ERCC3: variants seen among roughly 807,000 people sequenced by gnomAD.
The protein encoded by ERCC3 is ERCC excision repair 3, TFIIH core complex helicase subunit.
ERCC3 carries 66 observed loss-of-function variants against 94.2 expected under a neutral mutation model. That is an observed-to-expected ratio of 0.70 (90% CI 0.57 to 0.86). The LOEUF is 0.86. Ranked by LOEUF, ERCC3 falls within the 40% of genes least tolerant of loss-of-function variation. The pLI, the probability that ERCC3 is intolerant of heterozygous loss-of-function variation, is 0.00. For synonymous variants in ERCC3, 349 were observed against 369.1 expected (o/e 0.95, Z 0.63); for missense variants, 829 against 987.1 (o/e 0.84, Z 2.15).
chr2:127,288,984 A>G, intron 6 of ERCC3, 120 bp from the exon 7 acceptor site: 1 of 882,504 alleles, frequency 1.1e-6, no homozygotes, highest in Non-Finnish European at 1.9e-6. Flanking sequence ...ACAAGATTTT[A>G]GATCTTGCTC....
chr2:127,269,125 T>C (rs1684469349), intron 12 of ERCC3, among the ~76,000 whole-genome samples: 1 of 152,222 alleles, frequency 6.6e-6, no homozygotes, highest in African/African-American at 2.4e-5. Flanking sequence ...GAATTTTCCA[T>C]TTAATATTTT....
At position 127,279,095 on chromosome 2, in the gene ERCC3, A is replaced by G. The variant is rs147506117; in HGVS notation, c.1730+78T>C. On this transcript the variant is annotated intron_variant, in intron 10 of 14. Coordinates refer to ENST00000285398, the MANE Select transcript of ERCC3 (RefSeq NM_000122.2). The surrounding 1 kb of genome is among the most constrained non-coding windows in gnomAD (Gnocchi z 4.7). Reference sequence around the variant, plus strand: ...GTTCCTGAGAGAAAAACAAAAAAACAAAACAACAGCCACCTTCTGCACTCT... The same window carrying G: ...GTTCCTGAGAGAAAAACAAAAAAACGAAACAACAGCCACCTTCTGCACTCT... The G allele has an allele frequency of 5.7e-4, 568 of 1,003,044 alleles. 2 individuals are homozygous for G. In the African/African-American group the frequency reaches 7.6e-3, roughly 13 times the overall value. 62.1% of individuals were successfully genotyped at this position (1,003,044 alleles called of 1,614,324 possible).
At position 127,289,993 on chromosome 2, in the gene ERCC3, G is replaced by T. The variant is rs1025751484; in HGVS notation, c.522-169C>A. 34 of 887,268 alleles carry T rather than the reference G, an allele frequency of 3.8e-5. No homozygotes were observed. In the African/African-American group the frequency reaches 5.3e-4, roughly 14 times the overall value. 55.0% of individuals were successfully genotyped at this position (887,268 alleles called of 1,614,324 possible). ...GGCCATGATTTAACATATGAGGGTT[G>T]TGACTTTGAGGTCAAGTAGGCAGGG... is the stretch of plus-strand genomic sequence containing the variant. On this transcript the variant is annotated intron_variant, in intron 4 of 14. Transcript: ENST00000285398.
chr2:127,259,173 T>G lies in ERCC3; in HGVS notation c.2217+123A>C, dbSNP rs551298119. ...TGTTTCTGTTCATCTCTTCCGTGTT[T>G]TCCAACATTTCCAAAAAAATCCCAT... On this transcript the variant is annotated intron_variant, in intron 14 of 14. Transcript: ENST00000285398. The surrounding 1 kb of genome is among the most constrained non-coding windows in gnomAD (Gnocchi z 4.9). 1 of 1,128,466 alleles carries G rather than the reference T, an allele frequency of 8.9e-7. No homozygotes were observed. 69.9% of individuals were successfully genotyped at this position (1,128,466 alleles called of 1,614,324 possible). A position where few individuals can be genotyped will look rare whatever the true frequency, so the allele number is the denominator to read the frequency against.
chr2:127,293,960 G>T, intron 1 of ERCC3, 94 bp downstream of exon 1: 3 of 1,551,354 alleles, frequency 1.9e-6, no homozygotes, highest in Non-Finnish European at 2.6e-6. Context: ...CAGCAGGGTC[G>T]GCCGGCGCAG....
At chr2:127,266,354 T>G (rs79045472) in intron 12 of ERCC3, among the ~76,000 whole-genome samples, 16 of 126,332 alleles carry the variant, frequency 1.3e-4, no homozygotes, top group African/African-American at 4.6e-4. Flanking sequence ...TTTTTTTTTT[T>G]TGAGAGAGTC....
chr2:127,263,883 A>G (rs1573930852), intron 12 of ERCC3, among the ~76,000 whole-genome samples: 2 of 151,614 alleles, frequency 1.3e-5, no homozygotes, highest in African/African-American at 4.8e-5. Context: ...AATTTTTTGT[A>G]CTTTTAGTAG....
At chr2:127,290,184 T>C in intron 4 of ERCC3, 40 bp downstream of exon 4, 1 of 1,553,598 alleles carries the variant, frequency 6.4e-7, no homozygotes, top group Non-Finnish European at 8.9e-7. Context: ...GCGCAGAAAG[T>C]GACAGTGCCT....
intron 2 of ERCC3, among the ~76,000 whole-genome samples, 153 bp from the exon 3 acceptor site, chr2:127,292,999 AT>A (rs1685330094): frequency 6.6e-6 from 1 of 152,238 alleles, no homozygotes; most frequent in African/African-American, 2.4e-5. Flanking sequence ...GGCCTGTTAC[AT>A]TAATCAGATA....
Position 127,280,186 on chromosome 2 carries a change from A to T in ERCC3, c.1527+261T>A, listed in dbSNP as rs1684864366. On this transcript the variant is annotated intron_variant, in intron 9 of 14. Coordinates refer to ENST00000285398, the MANE Select transcript of ERCC3 (RefSeq NM_000122.2). The surrounding 1 kb of genome is among the most constrained non-coding windows in gnomAD (Gnocchi z 6.3). ...CTGAATGCTAATCCTCACCCACAGA[A>T]ATCCATGACTGGTAAACCCCATGGC... Among the ~76,000 whole-genome samples, 1 of 152,186 alleles carries T rather than the reference A, an allele frequency of 6.6e-6. No individual in the cohort carries two copies. Among genetic ancestry groups the T allele is most frequent in the South Asian group, 2.1e-4 (1 of 4,826 alleles).
chr2:127,269,911 C>T (rs1417966518), intron 12 of ERCC3, among the ~76,000 whole-genome samples: 2 of 151,872 alleles, frequency 1.3e-5, no homozygotes, highest in African/African-American at 2.4e-5. Context: ...TCCGGGTACT[C>T]GGGAGGCTGA....
Position 127,291,391 on chromosome 2 carries a change from C to G in ERCC3, c.472-1118G>C, listed in dbSNP as rs1685266280. Among the ~76,000 whole-genome samples the G allele has an allele frequency of 6.6e-6, 1 of 152,268 alleles. No homozygotes were observed. Among genetic ancestry groups the G allele is most frequent in the African/African-American group, 2.4e-5 (1 of 41,566 alleles). On this transcript the variant is annotated intron_variant, in intron 3 of 14. Transcript: ENST00000285398. The surrounding 1 kb of genome is among the most constrained non-coding windows in gnomAD (Gnocchi z 4.9). ...TGTCCTGCCTCAGCCTCCTGAGTAG[C>G]TGGGATTACAGGCACCCACCACCAT...
Position 127,286,926 on chromosome 2 carries a change from C to T in ERCC3, c.1119G>A (p.Gln373=), listed in dbSNP as rs2228544. ...VLGNSAVSVE[Q]WKAQFKMWST... ...ACCACATCTTGAACTGGGCTTTCCACTGCTCCACAGAAACAGCTGAGTTGC... is the reference window on the plus strand; with the variant it reads ...ACCACATCTTGAACTGGGCTTTCCATTGCTCCACAGAAACAGCTGAGTTGC... Residue 373 remains glutamine, a synonymous_variant, in exon 8 of 15, where the codon CAG becomes CAA. Transcript: ENST00000285398. 4,510 of 1,614,204 alleles carry T rather than the reference C, an allele frequency of 2.8e-3. 106 individuals carry two copies. The African/African-American group carries it at 0.051, about 18-fold the overall frequency.
intron 12 of ERCC3, among the ~76,000 whole-genome samples, chr2:127,263,769 G>A (rs1323374783): frequency 6.7e-5 from 10 of 150,172 alleles, no homozygotes; most frequent in African/African-American, 2.0e-4. Flanking sequence ...GTGCAGTGGC[G>A]TGATCTCGGC....
Position 127,284,152 on chromosome 2 carries a change from T to G in ERCC3, c.1342+2551A>C, listed in dbSNP as rs1011849683. 1 of 152,304 alleles carries G rather than the reference T, an allele frequency of 6.6e-6. No individual in the cohort carries two copies. The highest frequency in any genetic ancestry group is 1.9e-4 in the East Asian group (1 of 5,202). 9.4% of individuals were successfully genotyped at this position (152,304 alleles called of 1,614,324 possible). A position where few individuals can be genotyped will look rare whatever the true frequency, so the allele number is the denominator to read the frequency against. On this transcript the variant is annotated intron_variant, in intron 8 of 14. Coordinates refer to ENST00000285398, the MANE Select transcript of ERCC3 (RefSeq NM_000122.2). The surrounding 1 kb of genome is among the most constrained non-coding windows in gnomAD (Gnocchi z 4.1). ...AGTCGGATCACGCCTTCATCCTTACTGGGATTCCACAAACTCACCTCACCG... is the reference window on the plus strand; with the variant it reads ...AGTCGGATCACGCCTTCATCCTTACGGGGATTCCACAAACTCACCTCACCG...
rs980703754 is a variant in ERCC3, at chr2:127,257,846, A to G, written c.2218-119T>C. 2.1e-5 allele frequency: 25 copies of G among 1,174,104 alleles called. No individual in the cohort carries two copies. The African/African-American group carries it at 3.7e-4, about 17-fold the overall frequency. 72.7% of individuals were successfully genotyped at this position (1,174,104 alleles called of 1,614,324 possible). On this transcript the variant is annotated intron_variant, in intron 14 of 14. Transcript: ENST00000285398. The surrounding 1 kb of genome is among the most constrained non-coding windows in gnomAD (Gnocchi z 5.4). ...ACATAAATTTAATACATCATTTTTA[A>G]TAATGTTTACAGATCGCTTACTGTC...
chr2:127,287,911 T>A lies in ERCC3; in HGVS notation c.1027+749A>T, dbSNP rs901060608. Among the ~76,000 whole-genome samples, 3 of 152,106 alleles carry A rather than the reference T, an allele frequency of 2.0e-5. 1 individual carries two copies. Among genetic ancestry groups the A allele is most frequent in the South Asian group, 4.2e-4 (2 of 4,812 alleles). On this transcript the variant is annotated intron_variant, in intron 7 of 14. Transcript: ENST00000285398. ...ATCAAGCTTTTCCATTAAACAGAGA[T>A]CCTTCCTTTATTATAAAAATACACT...
At chr2:127,262,696 G>C (rs1053336915) in intron 12 of ERCC3, 2 of 152,204 alleles carry the variant, frequency 1.3e-5, no homozygotes, top group Non-Finnish European at 2.9e-5. Context: ...TTTGGGAGCT[G>C]ATGAGAATAT....
intron 8 of ERCC3, among the ~76,000 whole-genome samples, chr2:127,285,582 C>T (rs1010839138): frequency 1.3e-5 from 2 of 152,022 alleles, no homozygotes; most frequent in East Asian, 1.9e-4. Context: ...CCTAGCTACT[C>T]GGGAGGCTGA....
Sources: gnomAD v4.1 joint callset for allele counts (sites outside exome capture counted in the v4.1 genomes callset) on GRCh38, gnomAD v4.1.1 for gene constraint, Gnocchi (gnomAD v3.1) non-coding constraint, MANE v1.5 for transcripts, NCBI Gene and HGNC (gene_info 2026-07-23, HGNC 2026-07-21) for gene names.